The following FAM184A variants were observed in gnomAD, a reference collection of about 807,000 sequenced individuals.
FAM184A encodes the protein protein FAM184A.
A neutral mutation model predicts 143.8 loss-of-function variants in FAM184A; 99 were observed. The ratio of observed to expected loss-of-function variants is 0.69; its 90% CI spans 0.58 to 0.81. The LOEUF (loss-of-function observed/expected upper bound fraction) is 0.81. FAM184A is among the 40% of genes least tolerant of loss of function. The pLI is 0.00. For synonymous variants in FAM184A, 427 were observed against 446.4 expected (o/e 0.96, Z 0.55); for missense variants, 1,217 against 1,310.5 (o/e 0.93, Z 1.10).
intron 11 of FAM184A, among the ~76,000 whole-genome samples, chr6:118,976,872 T>C (rs1783862682): frequency 6.6e-6 from 1 of 151,986 alleles, no homozygotes; most frequent in Non-Finnish European, 1.5e-5. Context: ...CACATTCCTA[T>C]CAGAAAGGAT....
intron 9 of FAM184A, among the ~76,000 whole-genome samples, chr6:118,991,541 G>C (rs1784376228): frequency 6.6e-6 from 1 of 152,038 alleles, no homozygotes; most frequent in Non-Finnish European, 1.5e-5. Flanking sequence ...AGAGTACCTG[G>C]CAAGTGGATC....
chr6:119,062,557 G>A (rs777175302), intron 1 of FAM184A, among the ~76,000 whole-genome samples: 4 of 152,164 alleles, frequency 2.6e-5, no homozygotes, highest in African/African-American at 7.2e-5. Context: ...TACTCGGGAG[G>A]CTGAGGTGGG....
chr6:119,011,566 A>G (rs1785091006), intron 5 of FAM184A, 135 bp from the exon 6 acceptor site: 4 of 577,968 alleles, frequency 6.9e-6, no homozygotes, highest in Non-Finnish European at 1.2e-5. Flanking sequence ...AATTAACAAT[A>G]TCTGAATTAA....
chr6:119,112,042 A>G (rs1480799600), intron 1 of FAM184A, among the ~76,000 whole-genome samples: 2 of 152,180 alleles, frequency 1.3e-5, no homozygotes, highest in African/African-American at 4.8e-5. Context: ...TATTCTGGAA[A>G]GAAAGCAGGT....
chr6:119,016,726 A>G, intron 5 of FAM184A, 21 bp downstream of exon 5: 1 of 1,582,272 alleles, frequency 6.3e-7, no homozygotes, highest in Non-Finnish European at 8.7e-7. Flanking sequence ...CAATGCAATG[A>G]TAAATTAAAT....
At chr6:118,989,484 C>T (rs1209565042) in intron 9 of FAM184A, among the ~76,000 whole-genome samples, 1 of 115,894 alleles carries the variant, frequency 8.6e-6, no homozygotes, top group Non-Finnish European at 2.1e-5. Context: ...TTGCATATTG[C>T]AATTATTTCT....
chr6:119,133,087 A>T (rs916148244), intron 1 of FAM184A, among the ~76,000 whole-genome samples: 1 of 152,144 alleles, frequency 6.6e-6, no homozygotes, highest in East Asian at 1.9e-4. Flanking sequence ...TCAATTGTGG[A>T]TATTTTGTGG....
At chr6:119,142,711 AGGAGTGTT>A (rs1208896213) in intron 1 of FAM184A, among the ~76,000 whole-genome samples, 2 of 152,176 alleles carry the variant, frequency 1.3e-5, no homozygotes, top group Admixed American at 1.3e-4. Context: ...CTCCTGGAGG[AGGAGTGTT>A]GTGGTTGAAT....
intron 1 of FAM184A, among the ~76,000 whole-genome samples, chr6:119,049,039 C>G (rs1786642571): frequency 6.6e-6 from 1 of 152,124 alleles, no homozygotes; most frequent in Non-Finnish European, 1.5e-5. Flanking sequence ...AAAAAAGAGC[C>G]CATATAGCCA....
Position 118,961,773 on chromosome 6 carries a change from T to C in FAM184A, c.3329A>G (p.Lys1110Arg). ...AGACGGGTCTCACCTCAAAAATGTCTTGGGCCCTTTAGGTGGCACTGGCTG... is the reference window on the plus strand; with the variant it reads ...AGACGGGTCTCACCTCAAAAATGTCCTGGGCCCTTTAGGTGGCACTGGCTG... ...LPQPVPPKGP[K>R]TFLSPAQSEA... The change falls in exon 17 of 18, where the codon AAG (lysine) becomes AGG (arginine). Residue 1110 changes from lysine (K) to arginine (R), a missense_variant. Physicochemically the swap from Lys to Arg is conservative, Grantham distance 26. Transcript: ENST00000338891. The C allele has an allele frequency of 1.2e-6, 2 of 1,613,684 alleles. No homozygotes were observed. The highest frequency in any genetic ancestry group is 1.7e-6 in the Non-Finnish European group (2 of 1,179,684).
intron 1 of FAM184A, among the ~76,000 whole-genome samples, chr6:119,128,727 G>T (rs1789443509): frequency 6.6e-6 from 1 of 152,120 alleles, no homozygotes; most frequent in Non-Finnish European, 1.5e-5. Context: ...CTCTGGTATA[G>T]CATCGCATGG....
chr6:119,021,434 T>G (rs1454147179), intron 3 of FAM184A, among the ~76,000 whole-genome samples: 7 of 152,198 alleles, frequency 4.6e-5, no homozygotes, highest in Non-Finnish European at 1.0e-4. Flanking sequence ...AAAATGAACC[T>G]TAGTAACAAG....
chr6:119,052,551 T>C (rs1786806420), intron 1 of FAM184A, among the ~76,000 whole-genome samples: 1 of 152,188 alleles, frequency 6.6e-6, no homozygotes, highest in South Asian at 2.1e-4. Context: ...TCTCAAAACA[T>C]AAATCATAAC....
intron 9 of FAM184A, among the ~76,000 whole-genome samples, chr6:118,998,537 G>A (rs935539331): frequency 1.3e-5 from 2 of 152,240 alleles, no homozygotes; most frequent in Non-Finnish European, 1.5e-5. Context: ...ACAAAGCATA[G>A]GAGGCTAGTG....
chr6:119,138,593 C>CTTATTA (rs141615745), intron 1 of FAM184A, among the ~76,000 whole-genome samples: 18 of 148,178 alleles, frequency 1.2e-4, no homozygotes, highest in Admixed American at 2.0e-4. Context: ...CGCTCTTTCA[C>CTTATTA]TTATTATTAT....
chr6:119,108,388 A>G (rs1788844205), intron 1 of FAM184A, among the ~76,000 whole-genome samples: 1 of 151,820 alleles, frequency 6.6e-6, no homozygotes, highest in African/African-American at 2.4e-5. Flanking sequence ...AATAGCCTCT[A>G]CCCCATCCAG....
chr6:119,115,349 C>A (rs1326014071), intron 1 of FAM184A, among the ~76,000 whole-genome samples: 4 of 151,926 alleles, frequency 2.6e-5, no homozygotes, highest in African/African-American at 9.7e-5. Context: ...TTCTGATCAC[C>A]CTGCAGAAGT....
At chr6:118,976,980 T>C (rs1358090334) in intron 11 of FAM184A, among the ~76,000 whole-genome samples, 2 of 152,188 alleles carry the variant, frequency 1.3e-5, no homozygotes, top group Non-Finnish European at 2.9e-5. Flanking sequence ...TAGAAAATGT[T>C]TGGCAGTTTG....
rs544849720 is a variant in FAM184A, at chr6:119,035,777, A to G, written c.160-10964T>C. Among the ~76,000 whole-genome samples the G allele has an allele frequency of 2.6e-4, 40 of 152,262 alleles. No individual in the cohort carries two copies. In the South Asian group the frequency reaches 7.5e-3, roughly 28 times the overall value. On this transcript the variant is annotated intron_variant, in intron 1 of 17. Transcript: ENST00000338891. ...AAAAAAATTTTTTTTGAATCCACCTATGACCAGAAACCCCCACCCTGTCAC... is the reference window on the plus strand; with the variant it reads ...AAAAAAATTTTTTTTGAATCCACCTGTGACCAGAAACCCCCACCCTGTCAC...
Sources: allele counts gnomAD v4.1 joint callset (sites outside exome capture counted in the v4.1 genomes callset), GRCh38; gene constraint gnomAD v4.1.1; transcripts MANE v1.5; gene names NCBI Gene and HGNC (gene_info 2026-07-23, HGNC 2026-07-21).